Variants in EMID1 observed in about 807,000 individuals in gnomAD.
EMID1 encodes EMI domain-containing protein 1.
Under a neutral mutation model 60.6 loss-of-function variants are expected in EMID1, and 40 were observed. The observed-to-expected ratio is 0.66, with a 90% CI of 0.51 to 0.86. EMID1 has a LOEUF of 0.86. Among genes scored for constraint, EMID1 ranks in the 40% least tolerant of loss-of-function variants. The pLI, the probability that EMID1 is intolerant of heterozygous loss-of-function variation, is 0.00. For missense variants in EMID1, 585 were observed against 597.1 expected (o/e 0.98, Z 0.21); for synonymous variants, 242 against 231.0 (o/e 1.05, Z -0.43).
At chr22:29,238,574 C>G (rs914686883) in intron 12 of EMID1, among the ~76,000 whole-genome samples, 1 of 143,312 alleles carries the variant, frequency 7.0e-6, no homozygotes, top group Non-Finnish European at 1.5e-5. Flanking sequence ...CCTGCCATCA[C>G]GCCCGGCTAA....
At chr22:29,233,255 TG>T in intron 8 of EMID1, 123 bp from the exon 9 acceptor site, 1 of 954,344 alleles carries the variant, frequency 1.0e-6, no homozygotes, top group Non-Finnish European at 1.7e-6. Flanking sequence ...GGTGCCCAGG[TG>T]GTACCAGCCA....
At chr22:29,241,429 C>T (rs2041149947) in intron 12 of EMID1, among the ~76,000 whole-genome samples, 1 of 152,180 alleles carries the variant, frequency 6.6e-6, no homozygotes. Context: ...GCCCTTGTCC[C>T]CTAGGCTGGA....
chr22:29,214,297 CAGGGTGGAG>C (rs1321578381), intron 1 of EMID1, among the ~76,000 whole-genome samples: 1 of 152,044 alleles, frequency 6.6e-6, no homozygotes, highest in African/African-American at 2.4e-5. Flanking sequence ...CTGCTCGGGT[CAGGGTGGAG>C]ATGGGAAAGG....
intron 13 of EMID1, among the ~76,000 whole-genome samples, chr22:29,251,506 G>A (rs150049840): frequency 8.0e-5 from 12 of 150,770 alleles, no homozygotes; most frequent in Admixed American, 2.0e-4. Context: ...CAGCCCCCCC[G>A]GCGTTTTTTG....
At chr22:29,255,841 C>A (rs932090650) in intron 14 of EMID1, among the ~76,000 whole-genome samples, 6 of 152,092 alleles carry the variant, frequency 3.9e-5, no homozygotes, top group African/African-American at 1.4e-4. Context: ...GGCAGAGAAA[C>A]AGCATAAGCG....
At chr22:29,216,932 C>T (rs975764170) in intron 3 of EMID1, among the ~76,000 whole-genome samples, 8 of 152,202 alleles carry the variant, frequency 5.3e-5, no homozygotes, top group South Asian at 2.1e-4. Flanking sequence ...GAGGCTGGAG[C>T]GGGTGGACAG....
chr22:29,208,576 A>T (rs961614833), intron 1 of EMID1, among the ~76,000 whole-genome samples: 1 of 152,194 alleles, frequency 6.6e-6, no homozygotes, highest in Non-Finnish European at 1.5e-5. Context: ...ATCAGGGAGA[A>T]TGGAGGGCTC....
rs1310080704 is a variant in EMID1, at chr22:29,231,141, G to T, written c.586+1G>T. 1 of 1,596,678 alleles carries T rather than the reference G, an allele frequency of 6.3e-7. No individual in the cohort carries two copies. Among genetic ancestry groups the T allele is most frequent in the Admixed American group, 1.8e-5 (1 of 56,186 alleles). ...AGCCCCGGAGATGGAGGCCTCCAGG[G>T]TGAGTGTCAGACTCAGACTCCCCTG... On this transcript the variant is annotated splice_donor_variant, in intron 6 of 14. Transcript: ENST00000334018. LOFTEE classifies it high-confidence loss of function.
chr22:29,255,853 A>AG (rs1405564252), intron 14 of EMID1, among the ~76,000 whole-genome samples: 1 of 152,178 alleles, frequency 6.6e-6, no homozygotes, highest in African/African-American at 2.4e-5. Flanking sequence ...GCATAAGCGA[A>AG]GGCCAAGAGA....
chr22:29,227,701 T>A, intron 5 of EMID1, among the ~76,000 whole-genome samples: 1 of 74,678 alleles, frequency 1.3e-5, no homozygotes, highest in Admixed American at 1.6e-4. Flanking sequence ...CGAGACTCTG[T>A]CTCAAAAAAA....
rs553885443 is a variant in EMID1, at chr22:29,259,550, G to A, written c.*606G>A. The A allele has an allele frequency of 6.4e-4, 109 of 169,626 alleles. 4 individuals carry two copies. The South Asian group carries it at 0.014, about 22-fold the overall frequency. The allele number at this position is 169,626 out of a possible 1,614,324, so 10.5% of individuals were successfully genotyped here. ...TGCAAATGCTTGTGACAGATGCCAG[G>A]AGGTAGATGTGTGCTGGCCAATAAA... On this transcript the variant is annotated 3_prime_UTR_variant, in exon 15 of 15. Coordinates refer to ENST00000334018, the MANE Select transcript of EMID1 (RefSeq NM_133455.4).
intron 13 of EMID1, 111 bp from the exon 14 acceptor site, chr22:29,254,092 T>G (rs1377259601): frequency 4.6e-5 from 73 of 1,572,568 alleles, no homozygotes; most frequent in East Asian, 4.5e-5. Flanking sequence ...CTGTGGCAGG[T>G]AGTGTGGGGC....
intron 13 of EMID1, among the ~76,000 whole-genome samples, chr22:29,245,652 A>C (rs1408207035): frequency 6.6e-6 from 1 of 152,106 alleles, no homozygotes; most frequent in Non-Finnish European, 1.5e-5. Flanking sequence ...TCCTATGTAC[A>C]CTTCACCAAC....
At chr22:29,258,112 C>T (rs2146493702) in intron 14 of EMID1, among the ~76,000 whole-genome samples, 1 of 152,310 alleles carries the variant, frequency 6.6e-6, no homozygotes, top group East Asian at 1.9e-4. Flanking sequence ...AAGTCCTCCA[C>T]CGTGGCCCTC....
intron 3 of EMID1, among the ~76,000 whole-genome samples, chr22:29,218,410 G>A (rs1325790885): frequency 6.6e-6 from 1 of 152,218 alleles, no homozygotes; most frequent in Non-Finnish European, 1.5e-5. Flanking sequence ...GTGGAGAAGG[G>A]GCTAGAATGG....
At chr22:29,253,539 G>T (rs542600769) in intron 13 of EMID1, among the ~76,000 whole-genome samples, 4 of 152,214 alleles carry the variant, frequency 2.6e-5, no homozygotes, top group South Asian at 2.1e-4. Flanking sequence ...CTGAGATCGC[G>T]CCATTGCACT....
chr22:29,248,037 C>T (rs1250856139), intron 13 of EMID1, among the ~76,000 whole-genome samples: 7 of 151,178 alleles, frequency 4.6e-5, no homozygotes, highest in South Asian at 2.1e-4. Context: ...CTGCAACCTC[C>T]GCCTCCTGGG....
At chr22:29,222,814 G>A (rs968568287) in intron 3 of EMID1, among the ~76,000 whole-genome samples, 1 of 152,122 alleles carries the variant, frequency 6.6e-6, no homozygotes, top group Non-Finnish European at 1.5e-5. Context: ...ATACATGGCC[G>A]GGCGCGATGG....
intron 1 of EMID1, among the ~76,000 whole-genome samples, chr22:29,209,182 A>C (rs1209307455): frequency 6.6e-6 from 1 of 152,138 alleles, no homozygotes; most frequent in Non-Finnish European, 1.5e-5. Context: ...CTACAGAGAC[A>C]AAGTCCCCTG....
Sources: allele counts gnomAD v4.1 joint callset (sites outside exome capture counted in the v4.1 genomes callset), GRCh38; gene constraint gnomAD v4.1.1; transcripts MANE v1.5; gene names NCBI Gene and HGNC (gene_info 2026-07-23, HGNC 2026-07-21).